Variants in DPYD observed in about 807,000 individuals in gnomAD.
The protein encoded by DPYD is dihydropyrimidine dehydrogenase [NADP(+)].
DPYD carries 109 observed loss-of-function variants against 116.2 expected under a neutral mutation model. That is an observed-to-expected ratio of 0.94 (90% CI 0.80 to 1.10). The LOEUF (loss-of-function observed/expected upper bound fraction) is 1.10, where lower values mean the gene tolerates loss of function less well. Ranked by LOEUF, DPYD falls within the 50% of genes least tolerant of loss-of-function variation. The pLI is 0.00. For missense variants in DPYD, 1,302 were observed against 1,254.5 expected (o/e 1.04, Z -0.57); for synonymous variants, 440 against 432.0 (o/e 1.02, Z -0.23).
intron 8 of DPYD, among the ~76,000 whole-genome samples, chr1:97,598,263 A>T (rs895730636): frequency 6.6e-6 from 1 of 152,218 alleles, no homozygotes; most frequent in Non-Finnish European, 1.5e-5. Context: ...GCAAATAGTC[A>T]TCTATCAAAG....
intron 13 of DPYD, among the ~76,000 whole-genome samples, chr1:97,473,676 A>C (rs986202358): frequency 2.6e-5 from 4 of 152,150 alleles, no homozygotes; most frequent in Admixed American, 2.0e-4. Context: ...ATCCTCATAC[A>C]CTATTGGCAG....
At chr1:97,213,583 G>T (rs1660185969) in intron 19 of DPYD, among the ~76,000 whole-genome samples, 1 of 152,032 alleles carries the variant, frequency 6.6e-6, no homozygotes, top group Non-Finnish European at 1.5e-5. Flanking sequence ...ACTTCTAAAT[G>T]GTCAGATTGA....
intron 20 of DPYD, among the ~76,000 whole-genome samples, chr1:97,138,972 T>C (rs1409980040): frequency 6.6e-6 from 1 of 152,170 alleles, no homozygotes; most frequent in Non-Finnish European, 1.5e-5. Flanking sequence ...AAATATTACC[T>C]ATCAAATAAA....
Position 97,450,194 on chromosome 1 carries a change from G to C in DPYD, c.1770C>G (p.Ile590Met). The change falls in exon 14 of 23, where the codon ATC (isoleucine) becomes ATG (methionine). Residue 590 changes from isoleucine (I) to methionine (M), a missense_variant. Coordinates refer to ENST00000370192, the MANE Select transcript of DPYD (RefSeq NM_000110.4). ...KDIVTNVSPR[I>M]IRGTTSGPMY... ...TGGGGCCAGAGGTGGTTCCCCGGATGATTCTGGGGGAAACATTTGTCACAA... is the reference window on the plus strand; with the variant it reads ...TGGGGCCAGAGGTGGTTCCCCGGATCATTCTGGGGGAAACATTTGTCACAA... The C allele has an allele frequency of 6.2e-7, 1 of 1,613,744 alleles. No homozygotes were observed. Among genetic ancestry groups the C allele is most frequent in the Non-Finnish European group, 8.5e-7 (1 of 1,179,752 alleles).
At chr1:97,169,646 C>T (rs1031570363) in intron 20 of DPYD, among the ~76,000 whole-genome samples, 4 of 151,868 alleles carry the variant, frequency 2.6e-5, no homozygotes, top group African/African-American at 9.7e-5. Context: ...ACACTTTCCT[C>T]TTTTAATAGA....
chr1:97,641,102 T>C (rs1044330499), intron 8 of DPYD, among the ~76,000 whole-genome samples: 4 of 152,306 alleles, frequency 2.6e-5, no homozygotes, highest in East Asian at 1.9e-4. Flanking sequence ...TATATGGCAC[T>C]GCTGAGACTG....
At chr1:97,729,411 T>C (rs973032905) in intron 4 of DPYD, among the ~76,000 whole-genome samples, 1 of 152,178 alleles carries the variant, frequency 6.6e-6, no homozygotes, top group Non-Finnish European at 1.5e-5. Context: ...AAGATGCCTA[T>C]TCCATTATGT....
At chr1:97,906,545 A>T (rs1045733491) in intron 1 of DPYD, among the ~76,000 whole-genome samples, 2 of 152,110 alleles carry the variant, frequency 1.3e-5, no homozygotes, top group Non-Finnish European at 2.9e-5. Context: ...AAATTGAACT[A>T]TGGAATAATA....
At chr1:97,117,306 G>A (rs1206691433) in intron 20 of DPYD, among the ~76,000 whole-genome samples, 2 of 152,194 alleles carry the variant, frequency 1.3e-5, no homozygotes, top group African/African-American at 4.8e-5. Context: ...TTTATCTGCT[G>A]CTTTCAACTA....
In DPYD at chr1:97,385,280, CAAAAAAAAAAAAAAAAAAAAAAA is replaced by C. The variant is rs567156406; in HGVS notation, c.1906-2842_1906-2820del. Among the ~76,000 whole-genome samples the C allele has an allele frequency of 2.2e-4, 11 of 48,938 alleles. No homozygotes were observed. The East Asian group carries it at 7.3e-3, about 33-fold the overall frequency. 32.1% of individuals were successfully genotyped at this position (48,938 alleles called of 152,430 possible). On this transcript the variant is annotated intron_variant, in intron 14 of 22. Transcript: ENST00000370192. ...TACCTCTTGGTGTAGGCATTCCTTGCAAAAAAAAAAAAAAAAAAAAAAAAAAAAAAAAAAAAAAGAGAGAGAGA... is the reference window on the plus strand; with the variant it reads ...TACCTCTTGGTGTAGGCATTCCTTGCAAAAAAAAAAAAAAAGAGAGAGAGA...
intron 12 of DPYD, among the ~76,000 whole-genome samples, chr1:97,542,734 T>C (rs936850442): frequency 6.6e-6 from 1 of 152,182 alleles, no homozygotes; most frequent in African/African-American, 2.4e-5. Context: ...CAAATTTAAA[T>C]CTAATAATTG....
chr1:97,227,541 T>G (rs1469992413), intron 19 of DPYD, among the ~76,000 whole-genome samples: 1 of 151,456 alleles, frequency 6.6e-6, no homozygotes, highest in Non-Finnish European at 1.5e-5. Context: ...ACCTACTATG[T>G]ACCCACAAAA....
At chr1:97,712,631 T>A (rs995685929) in intron 5 of DPYD, among the ~76,000 whole-genome samples, 5 of 152,038 alleles carry the variant, frequency 3.3e-5, no homozygotes, top group Non-Finnish European at 7.4e-5. Context: ...TTCGGGGCAC[T>A]CCCCCTATGG....
chr1:97,475,903 A>G (rs1227455844), intron 13 of DPYD, among the ~76,000 whole-genome samples: 1 of 152,192 alleles, frequency 6.6e-6, no homozygotes, highest in East Asian at 1.9e-4. Flanking sequence ...TGCTGAGGTT[A>G]CACTCTACTC....
intron 5 of DPYD, among the ~76,000 whole-genome samples, chr1:97,714,667 A>C (rs1662507014): frequency 6.6e-6 from 1 of 151,696 alleles, no homozygotes; most frequent in Non-Finnish European, 1.5e-5. Flanking sequence ...AAAAAAAAAA[A>C]AAAAAAACAA....
intron 8 of DPYD, among the ~76,000 whole-genome samples, chr1:97,650,062 T>C (rs1273593210): frequency 6.6e-6 from 1 of 152,118 alleles, no homozygotes; most frequent in Non-Finnish European, 1.5e-5. Context: ...ACTGCTTCTT[T>C]TCTTTGTTCT....
chr1:97,613,861 T>C lies in DPYD; in HGVS notation c.851-18695A>G, dbSNP rs529492394. 6.6e-5 allele frequency among the ~76,000 whole-genome samples: 10 copies of C among 152,164 alleles called. No homozygotes were observed. In the East Asian group the frequency reaches 1.9e-3, roughly 29 times the overall value. ...GATCATAAAAGTAGCAGTTCTACCA[T>C]GTTATTTTCCTTTGTGCATACATAC... On this transcript the variant is annotated intron_variant, in intron 8 of 22. Transcript: ENST00000370192.
intron 2 of DPYD, among the ~76,000 whole-genome samples, chr1:97,831,232 T>C (rs562939103): frequency 1.3e-5 from 2 of 152,188 alleles, no homozygotes; most frequent in Non-Finnish European, 2.9e-5. Context: ...TCTTGCCATA[T>C]AGAATAAGTA....
chr1:97,817,937 G>A (rs778545883), intron 3 of DPYD, among the ~76,000 whole-genome samples: 1 of 152,038 alleles, frequency 6.6e-6, no homozygotes, highest in Non-Finnish European at 1.5e-5. Context: ...TTCAAAGTCT[G>A]TATCTAAAAT....
Sources: gnomAD v4.1 joint callset for allele counts (sites outside exome capture counted in the v4.1 genomes callset) on GRCh38, gnomAD v4.1.1 for gene constraint, MANE v1.5 for transcripts, NCBI Gene and HGNC (gene_info 2026-07-23, HGNC 2026-07-21) for gene names.